Variants in FBRSL1 observed in about 807,000 individuals in gnomAD.
The protein encoded by FBRSL1 is fibrosin-1-like protein.
In FBRSL1, 51 loss-of-function variants were observed where a neutral mutation model predicts 89.6. The observed-to-expected ratio is 0.57, with a 90% confidence interval of 0.45 to 0.72. The LOEUF (loss-of-function observed/expected upper bound fraction) is 0.72, where lower values mean the gene tolerates loss of function less well. Ranked by LOEUF, FBRSL1 falls within the 30% of genes least tolerant of loss-of-function variation. The pLI, the probability that FBRSL1 is intolerant of heterozygous loss-of-function variation, is 0.00. For synonymous variants in FBRSL1, 779 were observed against 681.1 expected, an observed-to-expected ratio of 1.14 and a Z score of -2.24; for missense variants, 1,618 against 1,451.8, an observed-to-expected ratio of 1.11 and a Z score of -1.86.
chr12:132,564,659 C>A, intron 5 of FBRSL1, among the ~76,000 whole-genome samples: 1 of 105,018 alleles, frequency 9.5e-6, no homozygotes, highest in South Asian at 3.4e-4. Flanking sequence ...CCACGCCCGG[C>A]TAATTTTTTG....
At chr12:132,507,796 G>A (rs1279433677) in intron 1 of FBRSL1, among the ~76,000 whole-genome samples, 1 of 152,124 alleles carries the variant, frequency 6.6e-6, no homozygotes, top group African/African-American at 2.4e-5. Context: ...CCACTGCAGG[G>A]CACTCGCTCT....
Position 132,499,378 on chromosome 12 carries a change from G to A in FBRSL1, c.291+8517G>A, listed in dbSNP as rs956768376. The stretch of plus-strand genomic sequence containing the variant: ...GCCAGGTGAGCCGCTGGCCAGCAGG[G>A]AAGGGTTCTGAGCTGTTCTGCTTTC... On this transcript the variant is annotated intron_variant, in intron 1 of 18. Transcript: ENST00000680143. This position sits in a 1 kb window ranked among gnomAD's most constrained non-coding sequence, Gnocchi z 4.3. Among the ~76,000 whole-genome samples, 2 of 152,172 alleles carry A rather than the reference G, an allele frequency of 1.3e-5. No homozygotes were observed. The highest frequency in any genetic ancestry group is 2.9e-5 in the Non-Finnish European group (2 of 68,014).
intron 5 of FBRSL1, chr12:132,551,057 C>G (rs2038118947): frequency 3.4e-6 from 1 of 298,376 alleles, no homozygotes; most frequent in Non-Finnish European, 6.7e-6. Flanking sequence ...AGATCTCTGT[C>G]CCTGGGCACT....
rs1054396623 is a variant in FBRSL1, at chr12:132,567,471, C to G, written c.646-10C>G. 5 of 1,551,042 alleles carry G rather than the reference C, an allele frequency of 3.2e-6. No individual in the cohort carries two copies. In the Admixed American group the frequency reaches 5.9e-5, roughly 18 times the overall value. On this transcript the variant is annotated splice_polypyrimidine_tract_variant and intron_variant, in intron 5 of 18. Transcript: ENST00000680143. Reference sequence around the variant, plus strand: ...CCTGACTGCCCCTGACCCCCCTTCTCTCTCTCCAGGCATCCGTGGGCTCTG... The same window carrying G: ...CCTGACTGCCCCTGACCCCCCTTCTGTCTCTCCAGGCATCCGTGGGCTCTG...
Position 132,514,456 on chromosome 12 carries a change from G to A in FBRSL1, c.489+6106G>A, listed in dbSNP as rs535409160. Among the ~76,000 whole-genome samples, 5 of 152,334 alleles carry A rather than the reference G, an allele frequency of 3.3e-5. No individual in the cohort carries two copies. The South Asian group carries it at 6.2e-4, about 19-fold the overall frequency. ...TGGCATTGACCAGGCCGAGGCCACC[G>A]GCCATCCTCCTCCGGCCAGAAGCTG... On this transcript the variant is annotated intron_variant, in intron 2 of 18. Coordinates refer to ENST00000680143, the MANE Select transcript of FBRSL1 (RefSeq NM_001367871.1).
In FBRSL1 at chr12:132,558,612, G is replaced by A. The variant is rs145912903; in HGVS notation, c.646-8869G>A. Among the ~76,000 whole-genome samples the A allele has an allele frequency of 1.9e-3, 294 of 152,382 alleles. 1 individual carries two copies. Among genetic ancestry groups the A allele is most frequent in the African/African-American group, 6.8e-3 (281 of 41,588 alleles). ...GGGCTGGAACTCCCTGGCTGAGGCCGACCTTGGTGATTCCTTCTATACCGT... is the reference window on the plus strand; with the variant it reads ...GGGCTGGAACTCCCTGGCTGAGGCCAACCTTGGTGATTCCTTCTATACCGT... On this transcript the variant is annotated intron_variant, in intron 5 of 18. Coordinates refer to ENST00000680143, the MANE Select transcript of FBRSL1 (RefSeq NM_001367871.1).
In FBRSL1 at chr12:132,550,761, G is replaced by A. The variant is rs995700453; in HGVS notation, c.645+2729G>A. ...CGAGTGCATGGGATGCTGCACCGTA[G>A]GACTCCCCCGTCCAGACGTCTCCGT... On this transcript the variant is annotated intron_variant, in intron 5 of 18. Transcript: ENST00000680143. 3 of 153,998 alleles carry A rather than the reference G, an allele frequency of 1.9e-5. No individual in the cohort carries two copies. The East Asian group carries it at 5.8e-4, about 30-fold the overall frequency. 9.5% of individuals were successfully genotyped at this position (153,998 alleles called of 1,614,324 possible). A position where few individuals can be genotyped will look rare whatever the true frequency, so the allele number is the denominator to read the frequency against.
chr12:132,543,380 C>T (rs1231614927), intron 4 of FBRSL1, among the ~76,000 whole-genome samples: 1 of 152,192 alleles, frequency 6.6e-6, no homozygotes, highest in Non-Finnish European at 1.5e-5. Flanking sequence ...GGGCCAGGAC[C>T]CGCCCCCAGA....
At position 132,499,773 on chromosome 12, in the gene FBRSL1, G is replaced by A. The variant is rs978066454; in HGVS notation, c.292-8380G>A. On this transcript the variant is annotated intron_variant, in intron 1 of 18. Transcript: ENST00000680143. The surrounding 1 kb of genome is among the most constrained non-coding windows in gnomAD (Gnocchi z 4.3). ...AAACTCCGTGAGATCAGGTGCTCTG[G>A]GGACTCAGGGCAAATGGGGTACTTG... 3.3e-5 allele frequency among the ~76,000 whole-genome samples: 5 copies of A among 152,116 alleles called. No individual in the cohort carries two copies. Among genetic ancestry groups the A allele is most frequent in the Non-Finnish European group, 5.9e-5 (4 of 68,004 alleles).
chr12:132,579,645 A>C (rs1042920304), intron 15 of FBRSL1, among the ~76,000 whole-genome samples: 7 of 152,198 alleles, frequency 4.6e-5, no homozygotes, highest in African/African-American at 1.7e-4. Flanking sequence ...TTCTGGAGCC[A>C]CTGTTCCAGC....
chr12:132,573,703 G>A (rs1321794680), intron 11 of FBRSL1, among the ~76,000 whole-genome samples: 1 of 152,118 alleles, frequency 6.6e-6, no homozygotes, highest in African/African-American at 2.4e-5. Context: ...TTTGCTGTGG[G>A]ACCCCCCTTT....
chr12:132,497,938 C>T lies in FBRSL1; in HGVS notation c.291+7077C>T, dbSNP rs546750101. On this transcript the variant is annotated intron_variant, in intron 1 of 18. Coordinates refer to ENST00000680143, the MANE Select transcript of FBRSL1 (RefSeq NM_001367871.1). ...CTAGAGACCCCTCGGGCCTGGTGTC[C>T]TCCCCGGCCCCACCCCAGGAGTGTA... Among the ~76,000 whole-genome samples, 19 of 152,328 alleles carry T rather than the reference C, an allele frequency of 1.2e-4. No individual in the cohort carries two copies. In the South Asian group the frequency reaches 2.5e-3, roughly 20 times the overall value.
In FBRSL1 at chr12:132,570,232, A is replaced by G; in HGVS notation, c.998A>G (p.His333Arg). 2.0e-6 allele frequency: 3 copies of G among 1,495,538 alleles called. No individual in the cohort carries two copies. Among genetic ancestry groups the G allele is most frequent in the Non-Finnish European group, 2.7e-6 (3 of 1,131,546 alleles). The allele number at this position is 1,495,538 out of a possible 1,614,324, so 92.6% of individuals were successfully genotyped here. Residue 333 changes from histidine to arginine, a missense_variant, in exon 7 of 19, where the codon CAC (histidine) becomes CGC (arginine). Coordinates refer to ENST00000680143, the MANE Select transcript of FBRSL1 (RefSeq NM_001367871.1). ...GHSQAAANGL[H>R]GLSRSSSAPL... ...AGCCAGGCGGCAGCCAACGGCCTGC[A>G]CGGCCTCAGGTGGGGTCCCCGCGGG...
At chr12:132,510,050 G>A (rs974735621) in intron 2 of FBRSL1, 21 of 1,231,174 alleles carry the variant, frequency 1.7e-5, no homozygotes, top group African/African-American at 3.1e-5. Context: ...GCCCACTCAC[G>A]CCTTCACTCC....
chr12:132,494,513 C>G (rs1187397390), intron 1 of FBRSL1, among the ~76,000 whole-genome samples: 1 of 152,228 alleles, frequency 6.6e-6, no homozygotes, highest in African/African-American at 2.4e-5. Flanking sequence ...ACATGCTGGC[C>G]GCTCGGCCCC....
At chr12:132,548,172 C>A (rs964817015) in intron 5 of FBRSL1, 140 bp downstream of exon 5, 1 of 965,362 alleles carries the variant, frequency 1.0e-6, no homozygotes. Context: ...GTGCAGGGGG[C>A]TTGTGGCCTC....
At chr12:132,525,949 G>GGAA in intron 3 of FBRSL1, 126 bp downstream of exon 3, 1 of 747,708 alleles carries the variant, frequency 1.3e-6, no homozygotes, top group Non-Finnish European at 2.2e-6. Flanking sequence ...AGGGCGTCCA[G>GGAA]TCCGAGTCTG....
At chr12:132,563,937 A>C (rs1284921550) in intron 5 of FBRSL1, among the ~76,000 whole-genome samples, 6 of 129,612 alleles carry the variant, frequency 4.6e-5, no homozygotes, top group African/African-American at 1.8e-4. Flanking sequence ...CAGCTGACAC[A>C]TACCTACGTC....
intron 1 of FBRSL1, among the ~76,000 whole-genome samples, chr12:132,495,405 G>A (rs997269286): frequency 6.6e-6 from 1 of 152,230 alleles, no homozygotes; most frequent in Non-Finnish European, 1.5e-5. Context: ...GTGCCAGTGG[G>A]GGCTGAGTTT....
Sources: gnomAD v4.1 joint callset for allele counts (sites outside exome capture counted in the v4.1 genomes callset) on GRCh38, gnomAD v4.1.1 for gene constraint, Gnocchi (gnomAD v3.1) non-coding constraint, MANE v1.5 for transcripts, NCBI Gene and HGNC (gene_info 2026-07-23, HGNC 2026-07-21) for gene names.